Variants in RBBP8 observed in about 807,000 individuals in gnomAD.
The protein encoded by RBBP8 is RB binding protein 8, endonuclease, also known as DNA endonuclease RBBP8.
A neutral mutation model predicts 108.3 loss-of-function variants in RBBP8; 88 were observed. The observed-to-expected ratio is 0.81, with a 90% CI of 0.68 to 0.97. The LOEUF (loss-of-function observed/expected upper bound fraction) is 0.97, where lower values mean the gene tolerates loss of function less well. Ranked by LOEUF, RBBP8 falls within the 50% of genes least tolerant of loss-of-function variation. The probability of loss-of-function intolerance (pLI) is 0.00; values close to 1 mark genes in which losing one functional copy is unlikely to be tolerated. For missense variants in RBBP8, 1,023 were observed against 1,049.0 expected (o/e 0.98, Z 0.34); for synonymous variants, 332 against 348.2 (o/e 0.95, Z 0.52).
intron 16 of RBBP8, among the ~76,000 whole-genome samples, chr18:23,007,008 T>C (rs990854626): frequency 2.6e-5 from 4 of 151,410 alleles, no homozygotes; most frequent in Non-Finnish European, 5.9e-5. Context: ...TGTGCATGTG[T>C]GTGTGTGTAT....
chr18:22,994,250 C>G (rs1030093608), intron 12 of RBBP8, among the ~76,000 whole-genome samples: 4 of 147,860 alleles, frequency 2.7e-5, no homozygotes, highest in African/African-American at 9.8e-5. Context: ...GTCTAGATCT[C>G]CTGACATCGT....
chr18:23,026,106 C>A, intron 18 of RBBP8, 37 bp from the exon 19 acceptor site: 6 of 1,471,504 alleles, frequency 4.1e-6, no homozygotes, highest in Non-Finnish European at 5.7e-6. Context: ...ATGCATGTTG[C>A]ACATACAGTC....
chr18:22,960,436 C>T (rs1436227247), intron 4 of RBBP8, among the ~76,000 whole-genome samples: 1 of 152,148 alleles, frequency 6.6e-6, no homozygotes, highest in Non-Finnish European at 1.5e-5. Flanking sequence ...GTCCCAGCTA[C>T]TCAGGCTGCT....
Position 23,022,144 on chromosome 18 carries a change from C to T in RBBP8, c.2470C>T (p.Pro824Ser). The T allele has an allele frequency of 6.2e-7, 1 of 1,602,528 alleles. No individual in the cohort carries two copies. The highest frequency in any genetic ancestry group is 2.2e-5 in the East Asian group (1 of 44,808). ...TTATTATTAGTATTATGCAGATATG[C>T]CAGCAGAAGAAAGAGAAAAGAAATT... ...KECEIYYADMPAEEREKKLAS... is the reference protein window; with the variant it reads ...KECEIYYADMSAEEREKKLAS... The change falls in exon 18 of 19, where the codon CCA (proline) becomes TCA (serine). Residue 824 changes from proline to serine, a missense_variant. Pro to Ser is a moderately conservative substitution (Grantham distance 74, BLOSUM62 -1). Transcript: ENST00000327155.
At chr18:23,003,670 AC>A (rs1287821795) in intron 15 of RBBP8, among the ~76,000 whole-genome samples, 1 of 152,196 alleles carries the variant, frequency 6.6e-6, no homozygotes, top group Non-Finnish European at 1.5e-5. Flanking sequence ...AATCTTTGTC[AC>A]CAATTTTCTG....
rs78074885 is a variant in RBBP8, at chr18:22,989,500, A to G, written c.807+182A>G. Among the ~76,000 whole-genome samples, 7,510 of 152,206 alleles carry G rather than the reference A, an allele frequency of 0.049. 356 individuals carry two copies. The highest frequency in any genetic ancestry group is 0.12 in the African/African-American group (5,166 of 41,504). ...CAGCCCAGCAGTCTCAGAAATGTAG[A>G]ATCTAGAATTCTTGGGATATGGGTT... On this transcript the variant is annotated intron_variant, in intron 9 of 18. Coordinates refer to ENST00000327155, the MANE Select transcript of RBBP8 (RefSeq NM_002894.3).
intron 9 of RBBP8, among the ~76,000 whole-genome samples, 178 bp from the exon 10 acceptor site, chr18:22,990,759 G>A (rs1046126868): frequency 2.6e-5 from 4 of 152,048 alleles, no homozygotes; most frequent in Non-Finnish European, 5.9e-5. Flanking sequence ...TCTGTCCCTA[G>A]AGATTTACCT....
chr18:22,940,381 C>T (rs1188269715), intron 2 of RBBP8, among the ~76,000 whole-genome samples: 8 of 149,050 alleles, frequency 5.4e-5, no homozygotes, highest in Admixed American at 6.7e-5. Context: ...AGTGCAGTGG[C>T]GCGATCTCGG....
intron 1 of RBBP8, chr18:22,933,814 C>T (rs928925717): frequency 8.5e-5 from 13 of 152,194 alleles, no homozygotes; most frequent in Non-Finnish European, 1.5e-4. Flanking sequence ...GCCGCCAAGC[C>T]CGCCCCGCGC....
At chr18:23,007,089 C>T (rs1335396732) in intron 16 of RBBP8, among the ~76,000 whole-genome samples, 2 of 149,300 alleles carry the variant, frequency 1.3e-5, no homozygotes, top group African/African-American at 4.9e-5. Flanking sequence ...GGCGCAATCT[C>T]GGCTCACTGC....
Position 22,992,863 on chromosome 18 carries a change from T to C in RBBP8, c.1036T>C (p.Leu346=). 1 of 1,613,946 alleles carries C rather than the reference T, an allele frequency of 6.2e-7. No individual in the cohort carries two copies. Residue 346 remains leucine (L), a synonymous_variant, in exon 11 of 19, where the codon TTG becomes CTG. Transcript: ENST00000327155. The stretch of plus-strand genomic sequence containing the variant: ...AAGTGGTTTAGATTTGAATACAAGT[T>C]TGTCCCCTTCTCTTTTACAGCCTGG... ...IKSGLDLNTS[L]SPSLLQPGKK...
At chr18:23,003,139 T>C (rs905587510) in intron 15 of RBBP8, among the ~76,000 whole-genome samples, 2 of 152,174 alleles carry the variant, frequency 1.3e-5, no homozygotes, top group Non-Finnish European at 2.9e-5. Context: ...TCACAACTTT[T>C]CTCTCACAAC....
intron 4 of RBBP8, among the ~76,000 whole-genome samples, chr18:22,952,646 G>T (rs1912140021): frequency 6.6e-6 from 1 of 152,156 alleles, no homozygotes; most frequent in African/African-American, 2.4e-5. Flanking sequence ...TAGCTGAGAA[G>T]CCAGGAAACT....
intron 2 of RBBP8, among the ~76,000 whole-genome samples, chr18:22,941,738 CT>C (rs1211068895): frequency 6.6e-6 from 1 of 151,904 alleles, no homozygotes. Context: ...AGTTTCTATA[CT>C]CTGAATAACT....
intron 9 of RBBP8, 24 bp from the exon 10 acceptor site, chr18:22,990,913 G>A (rs1598714009): frequency 6.6e-7 from 1 of 1,517,036 alleles, no homozygotes; most frequent in South Asian, 1.1e-5. Context: ...TTACATGGAT[G>A]TGCTTCATAT....
At chr18:22,920,624 A>G (rs1202219074) in intron 3 of RBBP8, 1 of 152,212 alleles carries the variant, frequency 6.6e-6, no homozygotes, top group Non-Finnish European at 1.5e-5. Flanking sequence ...AAATCTAATG[A>G]ATTTCTCAAT....
chr18:23,007,636 T>G (rs2046077873), intron 16 of RBBP8, among the ~76,000 whole-genome samples: 1 of 144,266 alleles, frequency 6.9e-6, no homozygotes, highest in Non-Finnish European at 1.5e-5. Flanking sequence ...AGGTGGAGCT[T>G]GCAGTGTGCC....
chr18:23,018,377 A>G (rs2046296910), intron 17 of RBBP8, among the ~76,000 whole-genome samples: 1 of 152,194 alleles, frequency 6.6e-6, no homozygotes, highest in Admixed American at 6.5e-5. Context: ...TAAACAAGAT[A>G]TAATGAATAA....
chr18:23,006,373 TAAAC>T lies in RBBP8; in HGVS notation c.2301_2304del (p.Gln768ThrfsTer132). 3 of 1,613,170 alleles carry T rather than the reference TAAAC, an allele frequency of 1.9e-6. No individual in the cohort carries two copies. Among genetic ancestry groups the T allele is most frequent in the Non-Finnish European group, 2.5e-6 (3 of 1,179,288 alleles). On this transcript the variant is annotated frameshift_variant, in exon 16 of 19. Transcript: ENST00000327155. LOFTEE classifies it high-confidence loss of function. ...ATGTTTTATTTATAGCTCATGGTGATAAACAAGACAAAGTCAAGCAGAAAGCGTT... is the reference window on the plus strand; with the variant it reads ...ATGTTTTATTTATAGCTCATGGTGATAAGACAAAGTCAAGCAGAAAGCGTT...
Sources: gnomAD v4.1 joint callset for allele counts (sites outside exome capture counted in the v4.1 genomes callset) on GRCh38, gnomAD v4.1.1 for gene constraint, MANE v1.5 for transcripts, NCBI Gene and HGNC (gene_info 2026-07-23, HGNC 2026-07-21) for gene names.